Variants in UGT1A3 observed in about 807,000 individuals in gnomAD.
UGT1A3 encodes UDP-glucuronosyltransferase 1A3.
A neutral mutation model predicts 41.0 loss-of-function variants in UGT1A3; 31 were observed. The ratio of observed to expected loss-of-function variants is 0.76; its 90% CI spans 0.57 to 1.02. UGT1A3 has a LOEUF of 1.02. Ranked by LOEUF, UGT1A3 falls within the 50% of genes least tolerant of loss-of-function variation. The probability of loss-of-function intolerance (pLI) is 0.00; values close to 1 mark genes in which losing one functional copy is unlikely to be tolerated. For missense variants in UGT1A3, 737 were observed against 671.0 expected (o/e 1.10, Z -1.09); for synonymous variants, 262 against 257.6 (o/e 1.02, Z -0.17).
chr2:233,768,590 T>G (rs1322508849), intron 4 of UGT1A3, 151 bp downstream of exon 4: 2 of 1,068,204 alleles, frequency 1.9e-6, no homozygotes, highest in Non-Finnish European at 2.4e-6. Flanking sequence ...TTCTTTTTTT[T>G]TTTTTTTTTT....
chr2:233,739,271 C>T lies in UGT1A3; in HGVS notation c.867+9278C>T, dbSNP rs541301086. ...GTGGTAAAGAAATGTGAGGTTGGAG[C>T]CCCCACACAGAGTCTCCACTGGGGC... On this transcript the variant is annotated intron_variant, in intron 1 of 4. Coordinates refer to ENST00000482026, the MANE Select transcript of UGT1A3 (RefSeq NM_019093.4). Among the ~76,000 whole-genome samples, 6 of 152,262 alleles carry T rather than the reference C, an allele frequency of 3.9e-5. No individual in the cohort carries two copies. The East Asian group carries it at 1.2e-3, about 29-fold the overall frequency.
At chr2:233,746,151 A>C (rs1346587402) in intron 1 of UGT1A3, among the ~76,000 whole-genome samples, 1 of 151,886 alleles carries the variant, frequency 6.6e-6, no homozygotes, top group Non-Finnish European at 1.5e-5. Context: ...TGATAGCATG[A>C]TTCCAAAGCC....
intron 1 of UGT1A3, chr2:233,760,983 C>A: frequency 6.2e-7 from 1 of 1,614,178 alleles, no homozygotes; most frequent in Non-Finnish European, 8.5e-7. Context: ...CGTATGCAAC[C>A]CTTGCCTCAG....
At chr2:233,730,719 C>T (rs141253229) in intron 1 of UGT1A3, among the ~76,000 whole-genome samples, 4 of 152,168 alleles carry the variant, frequency 2.6e-5, no homozygotes, top group Non-Finnish European at 4.4e-5. Flanking sequence ...CTGAAATTAT[C>T]AAGAAATGGC....
chr2:233,732,012 G>A (rs1045878291), intron 1 of UGT1A3, among the ~76,000 whole-genome samples: 10 of 152,206 alleles, frequency 6.6e-5, no homozygotes, highest in Non-Finnish European at 1.0e-4. Flanking sequence ...TTGTGGTTTT[G>A]ATTTGCATTT....
intron 1 of UGT1A3, among the ~76,000 whole-genome samples, chr2:233,737,957 G>A (rs779523802): frequency 7.9e-5 from 12 of 151,950 alleles, no homozygotes; most frequent in Non-Finnish European, 1.6e-4. Context: ...CCCAACATGA[G>A]GTCACACTAG....
chr2:233,770,941 G>T (rs1295256111), intron 4 of UGT1A3: 1 of 152,168 alleles, frequency 6.6e-6, no homozygotes, highest in African/African-American at 2.4e-5. Flanking sequence ...GGCTGCCGGG[G>T]GAACCTCAGG....
chr2:233,742,383 G>T (rs1224558474), intron 1 of UGT1A3, among the ~76,000 whole-genome samples: 1 of 151,994 alleles, frequency 6.6e-6, no homozygotes, highest in African/African-American at 2.4e-5. Flanking sequence ...AGGCACAGAT[G>T]GCTCATGTTA....
chr2:233,735,637 A>G (rs2078674460), intron 1 of UGT1A3, among the ~76,000 whole-genome samples: 1 of 152,170 alleles, frequency 6.6e-6, no homozygotes, highest in African/African-American at 2.4e-5. Context: ...ATGTTTTTGC[A>G]GTGGCTGGTA....
intron 1 of UGT1A3, chr2:233,754,908 T>C: frequency 7.4e-7 from 1 of 1,352,648 alleles, no homozygotes; most frequent in Non-Finnish European, 9.9e-7. Flanking sequence ...CCCCAAAATA[T>C]TCTCCAGCGG....
rs886183040 is a variant in UGT1A3, at chr2:233,769,751, A to C, written c.1307+1312A>C. 1.1e-5 allele frequency: 16 copies of C among 1,422,712 alleles called. No homozygotes were observed. Among genetic ancestry groups the C allele is most frequent in the Non-Finnish European group, 1.5e-5 (16 of 1,085,126 alleles). 88.1% of individuals were successfully genotyped at this position (1,422,712 alleles called of 1,614,324 possible). A position where few individuals can be genotyped will look rare whatever the true frequency, so the allele number is the denominator to read the frequency against. On this transcript the variant is annotated intron_variant, in intron 4 of 4. Transcript: ENST00000482026. This position sits in a 1 kb window ranked among gnomAD's most constrained non-coding sequence, Gnocchi z 4.4. Reference sequence around the variant, plus strand: ...ACGCCTGTAGTCCCAGCCACTCTGGAGGCTAAGGCGGGAGGATTGCTTGAG... The same window carrying C: ...ACGCCTGTAGTCCCAGCCACTCTGGCGGCTAAGGCGGGAGGATTGCTTGAG...
At position 233,768,344 on chromosome 2, in the gene UGT1A3, C is replaced by T. The variant is rs114941320; in HGVS notation, c.1212C>T (p.Arg404=). 1 of 1,614,076 alleles carries T rather than the reference C, an allele frequency of 6.2e-7. No individual in the cohort carries two copies. The highest frequency in any genetic ancestry group is 2.2e-5 in the East Asian group (1 of 44,874). The change falls in exon 4 of 5, where the codon CGC becomes CGT. Residue 404 remains arginine (R), a synonymous_variant. Coordinates refer to ENST00000482026, the MANE Select transcript of UGT1A3 (RefSeq NM_019093.4). ...GTGATCAGATGGACAATGCAAAGCG[C>T]ATGGAGACTAAGGGAGCTGGAGTGA... is the stretch of plus-strand genomic sequence containing the variant. ...LFGDQMDNAK[R]METKGAGVTL...
intron 1 of UGT1A3, among the ~76,000 whole-genome samples, chr2:233,750,901 C>T (rs2125907846): frequency 6.6e-6 from 1 of 152,000 alleles, no homozygotes; most frequent in South Asian, 2.1e-4. Flanking sequence ...AGAACCTCTG[C>T]TAGAGAAGGG....
intron 1 of UGT1A3, among the ~76,000 whole-genome samples, chr2:233,754,083 T>G (rs950704601): frequency 2.0e-5 from 3 of 152,238 alleles, no homozygotes; most frequent in Non-Finnish European, 4.4e-5. Flanking sequence ...TAACCTTTTA[T>G]CTAAATAATG....
chr2:233,747,923 G>C (rs1349241680), intron 1 of UGT1A3: 11 of 1,613,296 alleles, frequency 6.8e-6, no homozygotes, highest in Non-Finnish European at 8.5e-6. Flanking sequence ...TTGCCTCTGA[G>C]CTTTTTCAGA....
At chr2:233,736,335 T>G (rs1256501308) in intron 1 of UGT1A3, among the ~76,000 whole-genome samples, 1 of 152,262 alleles carries the variant, frequency 6.6e-6, no homozygotes, top group Non-Finnish European at 1.5e-5. Context: ...GTTATGAAGT[T>G]CTTGTGCCAT....
At chr2:233,730,488 G>C (rs181516968) in intron 1 of UGT1A3, among the ~76,000 whole-genome samples, 1 of 152,300 alleles carries the variant, frequency 6.6e-6, no homozygotes, top group East Asian at 1.9e-4. Flanking sequence ...ACATGAAATA[G>C]AAGTGTCAGA....
At chr2:233,754,362 T>G in intron 1 of UGT1A3, 1 of 282,658 alleles carries the variant, frequency 3.5e-6, no homozygotes, top group Non-Finnish European at 6.9e-6. Flanking sequence ...TACAGATATT[T>G]ACAATGATCG....
rs994477735 is a variant in UGT1A3, at chr2:233,769,472, T to C, written c.1307+1033T>C. Reference sequence around the variant, plus strand: ...ACGTGTGCATTCATATGCGTGTGTGTGTGTGTGCGTGTGTTTATGAGAGTG... The same window carrying C: ...ACGTGTGCATTCATATGCGTGTGTGCGTGTGTGCGTGTGTTTATGAGAGTG... On this transcript the variant is annotated intron_variant, in intron 4 of 4. Transcript: ENST00000482026. The surrounding 1 kb of genome is among the most constrained non-coding windows in gnomAD (Gnocchi z 4.4). 4.2e-5 allele frequency: 68 copies of C among 1,609,292 alleles called. No homozygotes were observed. In the African/African-American group the frequency reaches 8.3e-4, roughly 20 times the overall value.
Sources: allele counts gnomAD v4.1 joint callset (sites outside exome capture counted in the v4.1 genomes callset), GRCh38; gene constraint gnomAD v4.1.1; non-coding constraint Gnocchi (gnomAD v3.1); transcripts MANE v1.5; gene names NCBI Gene and HGNC (gene_info 2026-07-23, HGNC 2026-07-21).